PDK1: variants seen among roughly 807,000 people sequenced by gnomAD.
The protein encoded by PDK1 is [Pyruvate dehydrogenase (acetyl-transferring)] kinase isozyme 1, mitochondrial.
In PDK1, 39 loss-of-function variants were observed where a neutral mutation model predicts 54.2. The ratio of observed to expected loss-of-function variants is 0.72; its 90% confidence interval spans 0.56 to 0.94. The LOEUF is 0.94. Among genes scored for constraint, PDK1 ranks in the 40% least tolerant of loss-of-function variants. The pLI, the probability that PDK1 is intolerant of heterozygous loss-of-function variation, is 0.00. For synonymous variants in PDK1, 221 were observed against 207.1 expected, an observed-to-expected ratio of 1.07 and a Z score of -0.58; for missense variants, 552 against 566.0, an observed-to-expected ratio of 0.98 and a Z score of 0.25.
the PDK1 span, among the ~76,000 whole-genome samples, chr2:172,621,848 TAC>T: frequency 3.1e-4 from 38 of 120,742 alleles, 3 homozygotes; most frequent in East Asian, 3.1e-3. Context: ...ATATGTATGA[TAC>T]ATGTTTATAT....
At chr2:172,710,534 C>A in the PDK1 span, among the ~76,000 whole-genome samples, 13 of 152,050 alleles carry the variant, frequency 8.5e-5, no homozygotes, top group African/African-American at 3.1e-4. Context: ...GTTTTGACAA[C>A]AATTATTAAA....
chr2:172,700,176 C>T, the PDK1 span, among the ~76,000 whole-genome samples: 1 of 152,114 alleles, frequency 6.6e-6, no homozygotes, highest in South Asian at 2.1e-4. Context: ...GACACAGTAA[C>T]AATCCCATCT....
intron 2 of PDK1, 144 bp from the exon 3 acceptor site, chr2:172,562,075 TA>T: frequency 1.9e-6 from 1 of 524,004 alleles, no homozygotes; most frequent in Non-Finnish European, 3.4e-6. Flanking sequence ...TGCATGGGTG[TA>T]AAAATTATAC....
At chr2:172,628,670 C>T in the PDK1 span, among the ~76,000 whole-genome samples, 1 of 152,170 alleles carries the variant, frequency 6.6e-6, no homozygotes, top group Non-Finnish European at 1.5e-5. Flanking sequence ...TTACCCTTCT[C>T]ACCTAATACT....
At chr2:172,713,407 C>T in the PDK1 span, among the ~76,000 whole-genome samples, 1 of 152,182 alleles carries the variant, frequency 6.6e-6, no homozygotes, top group South Asian at 2.1e-4. Flanking sequence ...CTGCCCCCTG[C>T]CACTGTTCAT....
chr2:172,659,604 T>A, the PDK1 span, among the ~76,000 whole-genome samples: 1 of 152,222 alleles, frequency 6.6e-6, no homozygotes, highest in Non-Finnish European at 1.5e-5. Context: ...TTAACCCACA[T>A]GCTAGGGGAA....
chr2:172,614,351 C>T, the PDK1 span, among the ~76,000 whole-genome samples: 9 of 152,188 alleles, frequency 5.9e-5, no homozygotes, highest in Admixed American at 4.6e-4. Flanking sequence ...TCATGCTCTT[C>T]CGTGCTGCTC....
At chr2:172,627,347 G>T in the PDK1 span, among the ~76,000 whole-genome samples, 2 of 151,892 alleles carry the variant, frequency 1.3e-5, no homozygotes, top group Admixed American at 1.3e-4. Flanking sequence ...ACTCTGTTGT[G>T]CCAAAGCAAC....
At chr2:172,712,388 C>G in the PDK1 span, among the ~76,000 whole-genome samples, 2 of 152,308 alleles carry the variant, frequency 1.3e-5, no homozygotes, top group East Asian at 3.9e-4. Context: ...TTTCTGCTCT[C>G]TTGGCCTCGC....
intron 3 of PDK1, chr2:172,562,603 C>T (rs535037203): frequency 1.3e-4 from 84 of 645,554 alleles, no homozygotes; most frequent in African/African-American, 1.2e-3. Flanking sequence ...CCCAGCTGAT[C>T]TTTGCCATAT....
chr2:172,674,189 G>C, the PDK1 span: 1 of 152,522 alleles, frequency 6.6e-6, no homozygotes, highest in Non-Finnish European at 1.5e-5. Flanking sequence ...TGTTTCTTTT[G>C]GTGGCCGCAG....
At chr2:172,648,730 C>T in the PDK1 span, among the ~76,000 whole-genome samples, 1 of 152,222 alleles carries the variant, frequency 6.6e-6, no homozygotes, top group African/African-American at 2.4e-5. Flanking sequence ...GAGCCTCTCT[C>T]ACTGCTAGCA....
the PDK1 span, among the ~76,000 whole-genome samples, chr2:172,662,755 C>T: frequency 2.0e-5 from 3 of 151,998 alleles, no homozygotes; most frequent in Admixed American, 6.6e-5. Context: ...ATAATACATC[C>T]TTTTTTTTCC....
chr2:172,635,317 T>C, the PDK1 span, among the ~76,000 whole-genome samples: 3 of 152,194 alleles, frequency 2.0e-5, no homozygotes, highest in Non-Finnish European at 4.4e-5. Context: ...ATTAACTTTT[T>C]TGCGGGGCGG....
chr2:172,570,713 T>G lies in PDK1; in HGVS notation c.847-13T>G. 6.8e-7 allele frequency: 1 copy of G among 1,469,230 alleles called. No homozygotes were observed. The highest frequency in any genetic ancestry group is 9.5e-7 in the Non-Finnish European group (1 of 1,050,380). 91.0% of individuals were successfully genotyped at this position (1,469,230 alleles called of 1,614,324 possible). On this transcript the variant is annotated splice_polypyrimidine_tract_variant and intron_variant, in intron 7 of 10. Coordinates refer to ENST00000282077, the MANE Select transcript of PDK1 (RefSeq NM_002610.5). ...AAAAGCTGTATTTTTAATACAACCC[T>G]AATGTATTTCAGAATGCAATGAGAG...
the PDK1 span, among the ~76,000 whole-genome samples, chr2:172,640,979 GTTTC>G: frequency 0.89 from 125,608 of 141,428 alleles, 57,028 homozygotes; most frequent in East Asian, 0.99. Flanking sequence ...CTTTCTTTCT[GTTTC>G]TTTCTTTCTT....
At chr2:172,641,107 C>T in the PDK1 span, among the ~76,000 whole-genome samples, 1 of 134,216 alleles carries the variant, frequency 7.5e-6, no homozygotes, top group Non-Finnish European at 1.6e-5. Flanking sequence ...CCCTCCCTTC[C>T]TTCCTTCCTC....
At chr2:172,700,483 GATGAC>G in the PDK1 span, among the ~76,000 whole-genome samples, 2 of 151,490 alleles carry the variant, frequency 1.3e-5, no homozygotes, top group African/African-American at 2.4e-5. Context: ...TCCTAGACAG[GATGAC>G]GGCCGGGAAG....
the PDK1 span, among the ~76,000 whole-genome samples, chr2:172,644,231 A>G: frequency 2.0e-5 from 3 of 152,342 alleles, no homozygotes; most frequent in South Asian, 6.2e-4. Context: ...AAAAAACTTC[A>G]AGGAATATAA....
Sources: allele counts gnomAD v4.1 joint callset (sites outside exome capture counted in the v4.1 genomes callset), GRCh38; gene constraint gnomAD v4.1.1; transcripts MANE v1.5; gene names NCBI Gene and HGNC (gene_info 2026-07-23, HGNC 2026-07-21).